The following SPIDR variants were observed in gnomAD, a reference collection of about 807,000 sequenced individuals.
The protein encoded by SPIDR is scaffold protein involved in DNA repair, also known as DNA repair-scaffolding protein.
In SPIDR, 93 loss-of-function variants were observed where a neutral mutation model predicts 104.6. The observed-to-expected ratio is 0.89, with a 90% CI of 0.75 to 1.06. SPIDR has a LOEUF of 1.06. Among genes scored for constraint, SPIDR ranks in the 50% least tolerant of loss-of-function variants. The probability of loss-of-function intolerance (pLI) is 0.00; values close to 1 mark genes in which losing one functional copy is unlikely to be tolerated. For synonymous variants in SPIDR, 431 were observed against 416.9 expected (o/e 1.03, Z -0.41); for missense variants, 1,154 against 1,111.2 (o/e 1.04, Z -0.55).
At chr8:47,689,956 G>A (rs1423263802) in intron 11 of SPIDR, among the ~76,000 whole-genome samples, 1 of 152,186 alleles carries the variant, frequency 6.6e-6, no homozygotes, top group Non-Finnish European at 1.5e-5. Context: ...AACATTATAT[G>A]AGGGGAGGCT....
chr8:47,576,298 C>T (rs1039017949), intron 8 of SPIDR, among the ~76,000 whole-genome samples: 8 of 152,188 alleles, frequency 5.3e-5, no homozygotes, highest in South Asian at 2.1e-4. Context: ...ATTACAGGCA[C>T]ATGCCACCAC....
intron 10 of SPIDR, among the ~76,000 whole-genome samples, chr8:47,608,702 C>T (rs1406149471): frequency 6.6e-6 from 1 of 152,116 alleles, no homozygotes; most frequent in East Asian, 1.9e-4. Context: ...TGATGACTAA[C>T]AATGTTGAGC....
At chr8:47,345,444 G>A (rs541269668) in intron 5 of SPIDR, among the ~76,000 whole-genome samples, 4 of 152,258 alleles carry the variant, frequency 2.6e-5, no homozygotes, top group African/African-American at 7.2e-5. Flanking sequence ...TTGGCAATGC[G>A]GGCTCTTTTT....
chr8:47,348,781 C>T (rs999325687), intron 5 of SPIDR, among the ~76,000 whole-genome samples: 3 of 152,172 alleles, frequency 2.0e-5, no homozygotes, highest in South Asian at 2.1e-4. Context: ...GTTCTCGTGC[C>T]GTGGCTTTCA....
At chr8:47,609,811 T>C (rs184696077) in intron 10 of SPIDR, among the ~76,000 whole-genome samples, 277 of 152,334 alleles carry the variant, frequency 1.8e-3, no homozygotes, top group Non-Finnish European at 3.0e-3. Flanking sequence ...TGAATAACTT[T>C]CTTGGTGAAC....
chr8:47,647,655 G>GAGAGAGAGAGAGAGAGAGAGAGGGA, intron 10 of SPIDR, among the ~76,000 whole-genome samples: 1 of 50,228 alleles, frequency 2.0e-5, no homozygotes, highest in East Asian at 6.4e-4. Context: ...AGAGAGAGAG[G>GAGAGAGAGAGAGAGAGAGAGAGGGA]GAGAGAGAGA....
intron 10 of SPIDR, among the ~76,000 whole-genome samples, chr8:47,618,667 T>TG (rs2064696622): frequency 6.6e-6 from 1 of 151,904 alleles, no homozygotes; most frequent in Admixed American, 6.6e-5. Flanking sequence ...TTAAAATAGT[T>TG]TGTGTGTGTG....
At chr8:47,715,126 T>C (rs2082386392) in intron 16 of SPIDR, among the ~76,000 whole-genome samples, 1 of 151,098 alleles carries the variant, frequency 6.6e-6, no homozygotes. Flanking sequence ...CAATCTACTG[T>C]TTGCTTCTAT....
rs183048858 is a variant in SPIDR at position 47,303,530 on chromosome 8, C to T, written c.525+9500C>T. Reference sequence around the variant, plus strand: ...AAATGCAGAAATCACCCGTCTTCTGCGTCACTCACGCTGGGAGCTGTAGAC... The same window carrying T: ...AAATGCAGAAATCACCCGTCTTCTGTGTCACTCACGCTGGGAGCTGTAGAC... On this transcript the variant is annotated intron_variant, in intron 5 of 19. Coordinates refer to ENST00000297423, the MANE Select transcript of SPIDR (RefSeq NM_001080394.4). 1.4e-4 allele frequency among the ~76,000 whole-genome samples: 21 copies of T among 152,276 alleles called. No homozygotes were observed. The East Asian group carries it at 3.3e-3, about 24-fold the overall frequency.
Position 47,418,251 on chromosome 8 carries a change from A to C in SPIDR, c.877+10290A>C, listed in dbSNP as rs140056352. 8.5e-4 allele frequency among the ~76,000 whole-genome samples: 130 copies of C among 152,320 alleles called. 3 individuals are homozygous for C. The East Asian group carries it at 0.023, about 27-fold the overall frequency. On this transcript the variant is annotated intron_variant, in intron 7 of 19. Transcript: ENST00000297423. ...TTCCCAATATTGATTCTTCCTATCC[A>C]TGAGCATGGAATGTTCTTCCATTTG... is the stretch of plus-strand genomic sequence containing the variant.
intron 5 of SPIDR, among the ~76,000 whole-genome samples, chr8:47,363,947 A>T (rs2056694938): frequency 6.6e-6 from 1 of 151,918 alleles, no homozygotes; most frequent in Non-Finnish European, 1.5e-5. Context: ...TTTTGGGGAC[A>T]TGAAGGAACG....
chr8:47,534,483 A>G (rs888427929), intron 8 of SPIDR, among the ~76,000 whole-genome samples: 4 of 152,202 alleles, frequency 2.6e-5, no homozygotes, highest in African/African-American at 7.2e-5. Flanking sequence ...TTGCAGGAAC[A>G]TGGTTGGAGC....
intron 8 of SPIDR, among the ~76,000 whole-genome samples, chr8:47,500,691 G>A (rs2080258992): frequency 6.6e-6 from 1 of 152,184 alleles, no homozygotes; most frequent in Admixed American, 6.5e-5. Context: ...CATTGCTTTT[G>A]GTGGTTTAGA....
At chr8:47,687,192 AG>A (rs2077936421) in intron 11 of SPIDR, among the ~76,000 whole-genome samples, 2 of 152,356 alleles carry the variant, frequency 1.3e-5, no homozygotes, top group Admixed American at 1.3e-4. Flanking sequence ...TAGGACTTTC[AG>A]TATGATCCAT....
intron 11 of SPIDR, among the ~76,000 whole-genome samples, chr8:47,699,631 T>A (rs1335558274): frequency 6.6e-6 from 1 of 152,180 alleles, no homozygotes; most frequent in Non-Finnish European, 1.5e-5. Context: ...CTCAGCTCAC[T>A]GCAACCTCCG....
intron 8 of SPIDR, among the ~76,000 whole-genome samples, chr8:47,478,550 C>T (rs782523042): frequency 1.9e-4 from 29 of 152,246 alleles, no homozygotes; most frequent in Middle Eastern, 3.4e-3. Context: ...CAGCATGTGC[C>T]GGAACACAGC....
At chr8:47,710,382 C>G (rs778479563) in intron 14 of SPIDR, among the ~76,000 whole-genome samples, 2 of 151,862 alleles carry the variant, frequency 1.3e-5, no homozygotes, top group African/African-American at 2.4e-5. Flanking sequence ...AAAGTATTTA[C>G]AAAGAGCATA....
intron 6 of SPIDR, among the ~76,000 whole-genome samples, chr8:47,405,052 T>G (rs2062523287): frequency 6.6e-6 from 1 of 152,068 alleles, no homozygotes; most frequent in Admixed American, 6.6e-5. Context: ...TGTCCTTTGT[T>G]AGGGACATGG....
At chr8:47,684,865 G>A (rs924829007) in intron 11 of SPIDR, among the ~76,000 whole-genome samples, 4 of 152,178 alleles carry the variant, frequency 2.6e-5, no homozygotes, top group Non-Finnish European at 5.9e-5. Context: ...CCCAATAATG[G>A]GAAGGAATGG....
Sources: allele counts gnomAD v4.1 joint callset (sites outside exome capture counted in the v4.1 genomes callset), GRCh38; gene constraint gnomAD v4.1.1; transcripts MANE v1.5; gene names NCBI Gene and HGNC (gene_info 2026-07-23, HGNC 2026-07-21).